NELL1: variants seen among roughly 807,000 people sequenced by gnomAD.
NELL1 encodes protein kinase C-binding protein NELL1.
Under a neutral mutation model 107.4 loss-of-function variants are expected in NELL1, and 76 were observed. The observed-to-expected ratio is 0.71, with a 90% CI of 0.59 to 0.86. NELL1 has a LOEUF of 0.86. Ranked by LOEUF, NELL1 falls within the 40% of genes least tolerant of loss-of-function variation. The pLI is 0.00. For missense variants in NELL1, 1,024 were observed against 1,005.5 expected, an observed-to-expected ratio of 1.02 and a Z score of -0.25; for synonymous variants, 353 against 341.2, an observed-to-expected ratio of 1.03 and a Z score of -0.38.
chr11:21,138,238 CG>C (rs1381949586), intron 13 of NELL1, among the ~76,000 whole-genome samples: 3 of 152,030 alleles, frequency 2.0e-5, no homozygotes, highest in African/African-American at 7.2e-5. Context: ...TAGGGCATTG[CG>C]GGGATTACTA....
chr11:21,130,404 G>A (rs900318614), intron 13 of NELL1, among the ~76,000 whole-genome samples: 2 of 152,140 alleles, frequency 1.3e-5, no homozygotes, highest in African/African-American at 4.8e-5. Context: ...GGACTTAATG[G>A]TGATTACCTG....
intron 3 of NELL1, among the ~76,000 whole-genome samples, chr11:20,806,477 A>C (rs996064043): frequency 6.6e-6 from 1 of 151,644 alleles, no homozygotes; most frequent in African/African-American, 2.4e-5. Context: ...TTTATCCTTG[A>C]CCTTTGGGGG....
chr11:21,222,814 T>G (rs74474663), intron 13 of NELL1, among the ~76,000 whole-genome samples: 1 of 152,100 alleles, frequency 6.6e-6, no homozygotes, highest in Non-Finnish European at 1.5e-5. Context: ...ACCACTGGGT[T>G]CCTGAAACTT....
chr11:20,941,815 G>A (rs1850861286), intron 10 of NELL1, among the ~76,000 whole-genome samples: 1 of 152,112 alleles, frequency 6.6e-6, no homozygotes, highest in Admixed American at 6.5e-5. Context: ...GATAGAGGAA[G>A]GGGAAGGGTA....
intron 15 of NELL1, among the ~76,000 whole-genome samples, chr11:21,456,987 TAC>T (rs369105861): frequency 0.023 from 3,160 of 139,878 alleles, 121 homozygotes; most frequent in African/African-American, 0.085. Flanking sequence ...TCCCTGGAAA[TAC>T]ACACACACAC....
At chr11:20,927,566 C>A in intron 8 of NELL1, 124 bp downstream of exon 8, 1 of 861,852 alleles carries the variant, frequency 1.2e-6, no homozygotes, top group Non-Finnish European at 1.7e-6. Flanking sequence ...TTTTACCTAG[C>A]ACCCACTAGC....
chr11:20,826,277 A>G (rs1857882025), intron 3 of NELL1, among the ~76,000 whole-genome samples: 1 of 151,264 alleles, frequency 6.6e-6, no homozygotes. Flanking sequence ...CTTCTATATT[A>G]TGGCCCTCTG....
intron 2 of NELL1, among the ~76,000 whole-genome samples, chr11:20,700,110 C>G (rs1376888551): frequency 6.7e-6 from 1 of 149,822 alleles, no homozygotes; most frequent in Non-Finnish European, 1.5e-5. Flanking sequence ...AGCTTCATTA[C>G]AGAACTGTTT....
At chr11:20,905,514 T>C (rs148485579) in intron 5 of NELL1, among the ~76,000 whole-genome samples, 26 of 152,016 alleles carry the variant, frequency 1.7e-4, no homozygotes, top group African/African-American at 6.0e-4. Flanking sequence ...AAGAGCTAGA[T>C]GAAAACATGG....
At chr11:21,038,319 G>A (rs1395889485) in intron 12 of NELL1, among the ~76,000 whole-genome samples, 1 of 152,114 alleles carries the variant, frequency 6.6e-6, no homozygotes, top group Non-Finnish European at 1.5e-5. Context: ...GTTTTTGGTT[G>A]TATTTGGAAA....
At chr11:21,250,616 A>C (rs1858613551) in intron 14 of NELL1, among the ~76,000 whole-genome samples, 1 of 152,192 alleles carries the variant, frequency 6.6e-6, no homozygotes, top group Non-Finnish European at 1.5e-5. Context: ...ACAAACTCAA[A>C]AGAGTCAACC....
At chr11:20,723,885 T>G (rs778746144) in intron 2 of NELL1, among the ~76,000 whole-genome samples, 1 of 152,244 alleles carries the variant, frequency 6.6e-6, no homozygotes, top group Non-Finnish European at 1.5e-5. Flanking sequence ...ACCTCAGCTC[T>G]TGACTTCTGC....
chr11:21,183,227 C>T (rs534679064), intron 13 of NELL1, among the ~76,000 whole-genome samples: 1 of 152,020 alleles, frequency 6.6e-6, no homozygotes, highest in Admixed American at 6.5e-5. Flanking sequence ...TGATCTGTCT[C>T]TCCCAACAAA....
intron 12 of NELL1, among the ~76,000 whole-genome samples, chr11:21,104,586 A>G (rs1208135036): frequency 6.6e-6 from 1 of 152,234 alleles, no homozygotes; most frequent in Non-Finnish European, 1.5e-5. Flanking sequence ...ACCTTGTTGA[A>G]GAAGACTTCT....
intron 14 of NELL1, among the ~76,000 whole-genome samples, chr11:21,232,446 A>G (rs1215154710): frequency 6.6e-6 from 1 of 152,150 alleles, no homozygotes; most frequent in Non-Finnish European, 1.5e-5. Context: ...TGCTATACAA[A>G]CTAAAGACTA....
chr11:21,547,594 G>T (rs911450843), intron 16 of NELL1, among the ~76,000 whole-genome samples: 3 of 151,898 alleles, frequency 2.0e-5, no homozygotes, highest in Non-Finnish European at 4.4e-5. Context: ...CGCAAATGTA[G>T]TAGTACTTCC....
chr11:20,818,416 T>C (rs1836392147), intron 3 of NELL1, among the ~76,000 whole-genome samples: 2 of 149,986 alleles, frequency 1.3e-5, no homozygotes, highest in South Asian at 4.2e-4. Flanking sequence ...CTTTTTTTTT[T>C]TTTTTTTTTT....
At chr11:21,102,456 C>G (rs1159259935) in intron 12 of NELL1, among the ~76,000 whole-genome samples, 1 of 152,178 alleles carries the variant, frequency 6.6e-6, no homozygotes, top group Admixed American at 6.5e-5. Context: ...TTGTTTGGCT[C>G]TGCCCCTTAC....
chr11:21,276,828 G>C (rs1232526560), intron 14 of NELL1, among the ~76,000 whole-genome samples: 1 of 152,144 alleles, frequency 6.6e-6, no homozygotes, highest in African/African-American at 2.4e-5. Flanking sequence ...ATGGCGCTGG[G>C]GAAACTGGCT....
Sources: gnomAD v4.1 joint callset for allele counts (sites outside exome capture counted in the v4.1 genomes callset) on GRCh38, gnomAD v4.1.1 for gene constraint, MANE v1.5 for transcripts, NCBI Gene and HGNC (gene_info 2026-07-23, HGNC 2026-07-21) for gene names.